Variants in MTF1 observed in about 807,000 individuals in gnomAD.
MTF1 encodes MRE-binding transcription factor.
A neutral mutation model predicts 70.4 loss-of-function variants in MTF1; 22 were observed. The ratio of observed to expected loss-of-function variants is 0.31; its 90% CI spans 0.22 to 0.45. The LOEUF (loss-of-function observed/expected upper bound fraction) is 0.45, where lower values mean the gene tolerates loss of function less well. MTF1 is among the 20% of genes least tolerant of loss of function. MTF1 has a pLI of 1.00. For missense variants in MTF1, 649 were observed against 922.0 expected, an observed-to-expected ratio of 0.70 and a Z score of 3.83; for synonymous variants, 333 against 352.8, an observed-to-expected ratio of 0.94 and a Z score of 0.63.
At chr1:37,857,101 A>G (rs1476408898) in intron 2 of MTF1, 150 bp downstream of exon 2, 1 of 702,778 alleles carries the variant, frequency 1.4e-6, no homozygotes, top group Non-Finnish European at 2.3e-6. Context: ...AAGCAATCAC[A>G]ACAAAACCTG....
At chr1:37,859,494 G>C in intron 1 of MTF1, 37 bp downstream of exon 1, 1 of 398,910 alleles carries the variant, frequency 2.5e-6, no homozygotes, top group South Asian at 1.3e-4. Context: ...CTCCCGGTAA[G>C]TCCCAAGCCC....
intron 2 of MTF1, chr1:37,841,034 T>C: frequency 4.6e-6 from 1 of 215,272 alleles, no homozygotes; most frequent in Non-Finnish European, 9.4e-6. Flanking sequence ...GAAGATCAAG[T>C]CCCTGGAGAA....
Position 37,815,374 on chromosome 1 carries a change from G to T in MTF1, c.2024C>A (p.Ala675Glu), listed in dbSNP as rs138397545. The change falls in exon 11 of 11, where the codon GCG (alanine) becomes GAG (glutamate). Residue 675 changes from alanine (A) to glutamate (E), a missense_variant. Around this residue, in one of 7 missense-constraint regions of MTF1, gnomAD observed 138 missense variants for 134.4 expected, o/e 1.03. Coordinates refer to ENST00000373036, the MANE Select transcript of MTF1 (RefSeq NM_005955.3). The surrounding 1 kb of genome is among the most constrained non-coding windows in gnomAD (Gnocchi z 4.5). ...AACAGGGGCTGAAGAGAAAGTCTGC[G>T]CTGGGAGCTGCAGGCTGGGCCCATC... ...APDGPSLQLP[A>E]QTFSSAPVPG... is the part of the protein sequence containing the mutation. The T allele has an allele frequency of 3.4e-5, 55 of 1,614,054 alleles. No individual in the cohort carries two copies. Among genetic ancestry groups the T allele is most frequent in the Non-Finnish European group, 4.7e-5 (55 of 1,180,048 alleles).
intron 3 of MTF1, among the ~76,000 whole-genome samples, chr1:37,839,310 T>C (rs1485508134): frequency 6.6e-6 from 1 of 152,164 alleles, no homozygotes; most frequent in Admixed American, 6.6e-5. Context: ...CCTGCTTGGA[T>C]GGGGAAACTT....
At chr1:37,823,441 CAA>C (rs35582059) in intron 8 of MTF1, among the ~76,000 whole-genome samples, 229 of 146,760 alleles carry the variant, frequency 1.6e-3, no homozygotes, top group Middle Eastern at 3.6e-3. Context: ...GACGCTGTCT[CAA>C]AAAAAAAAAA....
At chr1:37,850,487 A>C (rs530289762) in intron 2 of MTF1, among the ~76,000 whole-genome samples, 2 of 151,520 alleles carry the variant, frequency 1.3e-5, no homozygotes, top group East Asian at 1.9e-4. Context: ...GGAAAGAAGA[A>C]AGACAGAAAG....
At chr1:37,823,313 C>T (rs987396552) in intron 8 of MTF1, among the ~76,000 whole-genome samples, 7 of 151,896 alleles carry the variant, frequency 4.6e-5, no homozygotes, top group African/African-American at 1.2e-4. Flanking sequence ...TGTGGTAGCA[C>T]GTGCCTGTGG....
intron 9 of MTF1, among the ~76,000 whole-genome samples, chr1:37,818,333 C>T (rs953863046): frequency 1.3e-5 from 2 of 152,094 alleles, no homozygotes; most frequent in African/African-American, 4.8e-5. Context: ...ATAGTCCCAG[C>T]TATTTGGAAG....
At chr1:37,828,589 GCCA>G (rs1182879478) in intron 7 of MTF1, among the ~76,000 whole-genome samples, 1 of 152,198 alleles carries the variant, frequency 6.6e-6, no homozygotes, top group Non-Finnish European at 1.5e-5. Flanking sequence ...ATAGGCGTAA[GCCA>G]CCACGCCTGG....
At chr1:37,851,451 T>C (rs1332720110) in intron 2 of MTF1, among the ~76,000 whole-genome samples, 1 of 152,240 alleles carries the variant, frequency 6.6e-6, no homozygotes, top group East Asian at 1.9e-4. Context: ...TGACAGCTTT[T>C]CACTGATTGC....
chr1:37,826,830 T>G (rs1270894358), intron 7 of MTF1, among the ~76,000 whole-genome samples: 1 of 151,960 alleles, frequency 6.6e-6, no homozygotes, highest in African/African-American at 2.4e-5. Context: ...AGTACAAAAA[T>G]TAGCTGAGCA....
chr1:37,853,310 C>T (rs1197802165), intron 2 of MTF1, among the ~76,000 whole-genome samples: 2 of 152,234 alleles, frequency 1.3e-5, no homozygotes, highest in Non-Finnish European at 2.9e-5. Flanking sequence ...TGGATCTTTG[C>T]TATCTTTCCA....
chr1:37,834,596 G>A, intron 6 of MTF1: 1 of 456,116 alleles, frequency 2.2e-6, no homozygotes, highest in Non-Finnish European at 4.4e-6. Context: ...TTGTGGAGTG[G>A]ACAGAAGAGG....
In MTF1 at chr1:37,857,329, A is replaced by G. The variant is rs765298935; in HGVS notation, c.330T>C (p.Gly110=). ...PDQIHLTINP[G]STPMPRNIEG... The stretch of plus-strand genomic sequence containing the variant: ...CAATATTTCTTGGCATGGGTGTGGA[A>G]CCAGGGTTTATTGTCAAATGAATCT... Residue 110 remains glycine, a synonymous_variant, in exon 2 of 11, where the codon GGT becomes GGC. Coordinates refer to ENST00000373036, the MANE Select transcript of MTF1 (RefSeq NM_005955.3). The G allele has an allele frequency of 1.2e-6, 2 of 1,614,206 alleles. No homozygotes were observed. Among genetic ancestry groups the G allele is most frequent in the Non-Finnish European group, 8.5e-7 (1 of 1,180,038 alleles).
chr1:37,846,366 C>G (rs1032657485), intron 2 of MTF1, among the ~76,000 whole-genome samples: 1 of 146,528 alleles, frequency 6.8e-6, no homozygotes, highest in Non-Finnish European at 1.5e-5. Flanking sequence ...ACATGAGCAG[C>G]TGGGTGATGG....
intron 7 of MTF1, 106 bp from the exon 8 acceptor site, chr1:37,823,918 G>A (rs1640962223): frequency 1.2e-6 from 1 of 807,086 alleles, no homozygotes; most frequent in African/African-American, 1.7e-5. Context: ...CTTTTGATAT[G>A]CATTTTGTTT....
Position 37,857,449 on chromosome 1 carries a change from G to T in MTF1, c.210C>A (p.His70Gln). The T allele has an allele frequency of 6.2e-7, 1 of 1,614,192 alleles. No individual in the cohort carries two copies. The highest frequency in any genetic ancestry group is 1.1e-5 in the South Asian group (1 of 91,084). Residue 70 changes from histidine to glutamine, a missense_variant, in exon 2 of 11, where the codon CAC (histidine) becomes CAA (glutamine). His to Gln is a conservative substitution (Grantham distance 24, BLOSUM62 0). Coordinates refer to ENST00000373036, the MANE Select transcript of MTF1 (RefSeq NM_005955.3). The part of the protein sequence containing the change: ...DEDDDGQCGE[H>Q]LPFLVGGEEG... Reference sequence around the variant, plus strand: ...CTTCACCCCCTACTAGAAAAGGCAAGTGTTCTCCGCACTGTCCGTCGTCAT... The same window carrying T: ...CTTCACCCCCTACTAGAAAAGGCAATTGTTCTCCGCACTGTCCGTCGTCAT...
intron 2 of MTF1, among the ~76,000 whole-genome samples, chr1:37,846,872 C>T (rs1188570135): frequency 6.6e-6 from 1 of 152,192 alleles, no homozygotes; most frequent in Admixed American, 6.5e-5. Context: ...CCCTATTCCA[C>T]AAGAGAGTTC....
Position 37,835,286 on chromosome 1 carries a change from C to T in MTF1, c.854-71G>A, listed in dbSNP as rs181789977. 17 of 1,315,046 alleles carry T rather than the reference C, an allele frequency of 1.3e-5. No individual in the cohort carries two copies. The East Asian group carries it at 2.3e-4, about 18-fold the overall frequency. 81.5% of individuals were successfully genotyped at this position (1,315,046 alleles called of 1,614,324 possible). ...ACTGGATTAAGAAATCTACCTTTCC[C>T]TAATAGAGGTAAGTAAGTATTTTTA... is the stretch of plus-strand genomic sequence containing the variant. On this transcript the variant is annotated intron_variant, in intron 5 of 10. Transcript: ENST00000373036.
Sources: gnomAD v4.1 joint callset for allele counts (sites outside exome capture counted in the v4.1 genomes callset) on GRCh38, gnomAD v4.1.1 for gene constraint, gnomAD v4.1.1 regional missense constraint, Gnocchi (gnomAD v3.1) non-coding constraint, MANE v1.5 for transcripts, NCBI Gene and HGNC (gene_info 2026-07-23, HGNC 2026-07-21) for gene names.